The following NCAM2 variants were observed in gnomAD, a reference collection of about 807,000 sequenced individuals.
NCAM2 encodes the protein N-CAM-2.
A neutral mutation model predicts 98.1 loss-of-function variants in NCAM2; 30 were observed. The observed-to-expected ratio is 0.31, with a 90% CI of 0.23 to 0.41. The LOEUF (loss-of-function observed/expected upper bound fraction) is 0.41. Among genes scored for constraint, NCAM2 ranks in the 10% least tolerant of loss-of-function variants. The pLI, the probability that NCAM2 is intolerant of heterozygous loss-of-function variation, is 1.00. For missense variants in NCAM2, 867 were observed against 1,005.8 expected (o/e 0.86, Z 1.87); for synonymous variants, 368 against 342.4 (o/e 1.07, Z -0.83).
At chr21:21,014,372 C>T (rs182353945) in intron 1 of NCAM2, among the ~76,000 whole-genome samples, 4 of 149,658 alleles carry the variant, frequency 2.7e-5, no homozygotes, top group South Asian at 2.1e-4. Context: ...TGCAGTAGGC[C>T]GAGATCGTGC....
At chr21:21,092,063 A>T (rs2066024165) in intron 1 of NCAM2, among the ~76,000 whole-genome samples, 1 of 152,092 alleles carries the variant, frequency 6.6e-6, no homozygotes, top group Non-Finnish European at 1.5e-5. Flanking sequence ...TTCTGTTAGA[A>T]ATATTTATTT....
intron 1 of NCAM2, among the ~76,000 whole-genome samples, chr21:21,072,662 C>A (rs781558901): frequency 6.6e-6 from 1 of 152,092 alleles, no homozygotes; most frequent in Non-Finnish European, 1.5e-5. Context: ...GCTTGTATTA[C>A]TAAAAGAATA....
intron 8 of NCAM2, among the ~76,000 whole-genome samples, chr21:21,353,436 G>T (rs1385122302): frequency 1.3e-5 from 2 of 152,024 alleles, no homozygotes; most frequent in Non-Finnish European, 2.9e-5. Flanking sequence ...ATTCCTTTTG[G>T]AAGTTGACAA....
intron 16 of NCAM2, among the ~76,000 whole-genome samples, chr21:21,516,375 TA>T (rs1602541259): frequency 6.6e-6 from 1 of 152,160 alleles, no homozygotes; most frequent in Middle Eastern, 3.4e-3. Flanking sequence ...AATCTAATTA[TA>T]AAAGTTTTTT....
intron 1 of NCAM2, among the ~76,000 whole-genome samples, chr21:21,047,120 T>G (rs1209832504): frequency 6.6e-6 from 1 of 152,098 alleles, no homozygotes; most frequent in Non-Finnish European, 1.5e-5. Flanking sequence ...CAATTACTAG[T>G]GAAATAGTTT....
chr21:21,148,077 A>G (rs1181869644), intron 1 of NCAM2, among the ~76,000 whole-genome samples: 1 of 152,078 alleles, frequency 6.6e-6, no homozygotes, highest in Non-Finnish European at 1.5e-5. Flanking sequence ...TCTCCTATTC[A>G]GGCTCTCAAT....
intron 9 of NCAM2, among the ~76,000 whole-genome samples, chr21:21,379,205 T>C (rs923037347): frequency 1.3e-5 from 2 of 152,046 alleles, no homozygotes; most frequent in Non-Finnish European, 2.9e-5. Context: ...CTTTTCAGAG[T>C]GTTAGCTTTC....
At chr21:21,221,741 A>G (rs1359589063) in intron 1 of NCAM2, among the ~76,000 whole-genome samples, 1 of 152,224 alleles carries the variant, frequency 6.6e-6, no homozygotes, top group Non-Finnish European at 1.5e-5. Context: ...TGAATTTGGA[A>G]ATAGTGATGG....
intron 17 of NCAM2, among the ~76,000 whole-genome samples, chr21:21,537,404 A>C (rs1384536329): frequency 2.6e-5 from 4 of 152,164 alleles, no homozygotes; most frequent in Non-Finnish European, 4.4e-5. Context: ...TTTTCACTGG[A>C]GAAAACGTAG....
intron 16 of NCAM2, among the ~76,000 whole-genome samples, chr21:21,511,891 T>A (rs760012806): frequency 2.0e-5 from 3 of 152,056 alleles, no homozygotes; most frequent in Non-Finnish European, 4.4e-5. Flanking sequence ...TTGTATGTTG[T>A]CTTTTGAGAG....
At chr21:21,241,495 C>T (rs1360569190) in intron 1 of NCAM2, among the ~76,000 whole-genome samples, 2 of 152,076 alleles carry the variant, frequency 1.3e-5, no homozygotes, top group Admixed American at 6.6e-5. Flanking sequence ...CTTGGACAAG[C>T]TCATTGAAAA....
chr21:21,040,612 A>G (rs1049726584), intron 1 of NCAM2, among the ~76,000 whole-genome samples: 1 of 152,122 alleles, frequency 6.6e-6, no homozygotes, highest in African/African-American at 2.4e-5. Flanking sequence ...TAAAAAAAAA[A>G]GAAATCTTGT....
chr21:21,123,255 C>T lies in NCAM2; in HGVS notation c.55+124637C>T, dbSNP rs574117690. ...CTAAAAATACAAAAAATCAGCCGGG[C>T]GTGGTGGCACGCACCTGAGTCCCAG... On this transcript the variant is annotated intron_variant, in intron 1 of 17. Coordinates refer to ENST00000400546, the MANE Select transcript of NCAM2 (RefSeq NM_004540.5). Among the ~76,000 whole-genome samples the T allele has an allele frequency of 1.7e-3, 257 of 151,920 alleles. 1 individual carries two copies. The highest frequency in any genetic ancestry group is 5.8e-3 in the African/African-American group (242 of 41,448).
At chr21:21,405,274 A>G (rs576592059) in intron 9 of NCAM2, among the ~76,000 whole-genome samples, 2 of 152,224 alleles carry the variant, frequency 1.3e-5, no homozygotes, top group South Asian at 4.1e-4. Context: ...AAAAAAGCAT[A>G]CACAATATGC....
chr21:21,096,878 C>A (rs187220952), intron 1 of NCAM2, among the ~76,000 whole-genome samples: 14 of 151,618 alleles, frequency 9.2e-5, no homozygotes, highest in African/African-American at 3.4e-4. Flanking sequence ...TTGTTACAAC[C>A]GGATTTCTCA....
At chr21:21,003,159 C>T (rs1289507447) in intron 1 of NCAM2, among the ~76,000 whole-genome samples, 1 of 152,012 alleles carries the variant, frequency 6.6e-6, no homozygotes, top group African/African-American at 2.4e-5. Flanking sequence ...TTCACTTGTG[C>T]CACTAAGGAT....
At chr21:21,422,232 G>A (rs573014013) in intron 11 of NCAM2, among the ~76,000 whole-genome samples, 2 of 152,292 alleles carry the variant, frequency 1.3e-5, no homozygotes, top group Non-Finnish European at 2.9e-5. Flanking sequence ...AATACTGCAT[G>A]TTCTCACTTG....
At chr21:21,484,962 TA>T (rs1308692339) in intron 15 of NCAM2, among the ~76,000 whole-genome samples, 1 of 152,152 alleles carries the variant, frequency 6.6e-6, no homozygotes, top group Non-Finnish European at 1.5e-5. Flanking sequence ...CCATACTTTT[TA>T]AAAATCATAA....
At chr21:21,432,984 C>A (rs1192692067) in intron 12 of NCAM2, among the ~76,000 whole-genome samples, 1 of 152,110 alleles carries the variant, frequency 6.6e-6, no homozygotes, top group Non-Finnish European at 1.5e-5. Flanking sequence ...TAGGTCTGTT[C>A]TATGAGGATC....
Sources: gnomAD v4.1 joint callset for allele counts (sites outside exome capture counted in the v4.1 genomes callset) on GRCh38, gnomAD v4.1.1 for gene constraint, MANE v1.5 for transcripts, NCBI Gene and HGNC (gene_info 2026-07-23, HGNC 2026-07-21) for gene names.